Variants in RIN3 observed in about 807,000 individuals in gnomAD.
RIN3 encodes Ras and Rab interactor 3.
Under a neutral mutation model 76.3 loss-of-function variants are expected in RIN3, and 54 were observed. The observed-to-expected ratio is 0.71, with a 90% CI of 0.57 to 0.89. The LOEUF (loss-of-function observed/expected upper bound fraction) is 0.89, where lower values mean the gene tolerates loss of function less well. RIN3 is among the 40% of genes least tolerant of loss of function. The probability of loss-of-function intolerance (pLI) is 0.00; values close to 1 mark genes in which losing one functional copy is unlikely to be tolerated. For missense variants in RIN3, 1,256 were observed against 1,322.1 expected, an observed-to-expected ratio of 0.95 and a Z score of 0.78; for synonymous variants, 576 against 564.0, an observed-to-expected ratio of 1.02 and a Z score of -0.30.
At chr14:92,601,166 T>C (rs1885330978) in intron 3 of RIN3, among the ~76,000 whole-genome samples, 1 of 152,250 alleles carries the variant, frequency 6.6e-6, no homozygotes, top group Non-Finnish European at 1.5e-5. Context: ...TTGGATATAT[T>C]GGGTTAAATA....
At chr14:92,603,463 G>A (rs1467795127) in intron 3 of RIN3, among the ~76,000 whole-genome samples, 4 of 152,114 alleles carry the variant, frequency 2.6e-5, no homozygotes, top group Non-Finnish European at 4.4e-5. Flanking sequence ...TTTGTGCAAC[G>A]ACCCAGAGGG....
chr14:92,615,977 T>C (rs990945629), intron 4 of RIN3: 6 of 154,960 alleles, frequency 3.9e-5, no homozygotes, highest in African/African-American at 1.2e-4. Flanking sequence ...GTGCCATAAG[T>C]CAATGACTTA....
At chr14:92,605,618 C>T (rs1885501486) in intron 3 of RIN3, among the ~76,000 whole-genome samples, 1 of 152,228 alleles carries the variant, frequency 6.6e-6, no homozygotes, top group Non-Finnish European at 1.5e-5. Flanking sequence ...TGTCAATAGA[C>T]ATTCTTTCCC....
intron 1 of RIN3, among the ~76,000 whole-genome samples, chr14:92,550,575 C>G (rs1595408142): frequency 1.3e-5 from 2 of 152,222 alleles, no homozygotes; most frequent in Non-Finnish European, 2.9e-5. Context: ...GCCATCATGC[C>G]TGGCTAATTT....
At chr14:92,640,361 CCTGA>C (rs1488620647) in intron 4 of RIN3, among the ~76,000 whole-genome samples, 1 of 37,770 alleles carries the variant, frequency 2.6e-5, no homozygotes, top group Non-Finnish European at 5.1e-5. Context: ...TCGGGGGCTG[CCTGA>C]CTGTGCGTTT....
chr14:92,553,546 C>T (rs140063300), intron 1 of RIN3, among the ~76,000 whole-genome samples: 8 of 152,200 alleles, frequency 5.3e-5, no homozygotes, highest in East Asian at 1.9e-4. Flanking sequence ...CATCCTACCC[C>T]GCCCCCACCA....
Position 92,514,051 on chromosome 14 carries a change from T to G in RIN3, c.44+75T>G, listed in dbSNP as rs1896369292. On this transcript the variant is annotated intron_variant, in intron 1 of 9. Coordinates refer to ENST00000216487, the MANE Select transcript of RIN3 (RefSeq NM_024832.5). This position sits in a 1 kb window ranked among gnomAD's most constrained non-coding sequence, Gnocchi z 7.2. Reference sequence around the variant, plus strand: ...GTCCTGGCCGCCCCACTCCACTTCTTGTCCCAGAGAGTCCTTCGGGCGCGT... The same window carrying G: ...GTCCTGGCCGCCCCACTCCACTTCTGGTCCCAGAGAGTCCTTCGGGCGCGT... The G allele has an allele frequency of 9.7e-7, 1 of 1,036,136 alleles. No homozygotes were observed. Among genetic ancestry groups the G allele is most frequent in the South Asian group, 4.8e-5 (1 of 20,776 alleles). 64.2% of individuals were successfully genotyped at this position (1,036,136 alleles called of 1,614,324 possible).
chr14:92,577,111 A>C (rs1000702404), intron 2 of RIN3, among the ~76,000 whole-genome samples: 1 of 152,080 alleles, frequency 6.6e-6, no homozygotes, highest in Non-Finnish European at 1.5e-5. Flanking sequence ...CCTTATAGAA[A>C]CATTGACTTC....
chr14:92,593,948 T>C (rs956194009), intron 3 of RIN3, among the ~76,000 whole-genome samples: 2 of 152,178 alleles, frequency 1.3e-5, no homozygotes, highest in African/African-American at 4.8e-5. Context: ...CATAGGCAGA[T>C]ATAGCGGGTG....
At chr14:92,547,582 G>T (rs866324633) in intron 1 of RIN3, among the ~76,000 whole-genome samples, 1 of 151,670 alleles carries the variant, frequency 6.6e-6, no homozygotes, top group Non-Finnish European at 1.5e-5. Context: ...TTTTTGTAGA[G>T]ATAGTGTCTC....
At chr14:92,538,438 C>G (rs1897059240) in intron 1 of RIN3, among the ~76,000 whole-genome samples, 1 of 152,202 alleles carries the variant, frequency 6.6e-6, no homozygotes, top group Non-Finnish European at 1.5e-5. Flanking sequence ...AACCCTTATT[C>G]TATGCCGGGC....
intron 5 of RIN3, among the ~76,000 whole-genome samples, chr14:92,651,324 G>A (rs1468341526): frequency 6.6e-6 from 1 of 152,162 alleles, no homozygotes; most frequent in African/African-American, 2.4e-5. Context: ...GAGAACTGAA[G>A]CTGAGCTTAT....
chr14:92,523,182 C>T (rs184309709), intron 1 of RIN3, among the ~76,000 whole-genome samples: 32 of 152,282 alleles, frequency 2.1e-4, no homozygotes, highest in Middle Eastern at 3.4e-3. Flanking sequence ...GCGATCTTGG[C>T]TCACTGCAAC....
intron 1 of RIN3, among the ~76,000 whole-genome samples, chr14:92,522,929 A>T (rs1322630363): frequency 2.0e-5 from 3 of 152,156 alleles, no homozygotes; most frequent in South Asian, 4.1e-4. Flanking sequence ...TGAAATACAG[A>T]TGTGATGGCT....
At chr14:92,592,847 TTG>T (rs1885031805) in intron 3 of RIN3, among the ~76,000 whole-genome samples, 1 of 151,900 alleles carries the variant, frequency 6.6e-6, no homozygotes, top group African/African-American at 2.4e-5. Flanking sequence ...AGCTAATTTT[TTG>T]TGTTTTTAGA....
intron 5 of RIN3, 105 bp downstream of exon 5, chr14:92,641,434 C>A: frequency 1.3e-6 from 1 of 794,796 alleles, no homozygotes; most frequent in Non-Finnish European, 2.1e-6. Context: ...TGAGTCCCAG[C>A]TCCCATGGGA....
intron 5 of RIN3, among the ~76,000 whole-genome samples, chr14:92,649,548 C>A (rs1887330347): frequency 6.6e-6 from 1 of 152,056 alleles, no homozygotes; most frequent in Admixed American, 6.5e-5. Flanking sequence ...TAGACATGGG[C>A]ACAGTGCTTC....
chr14:92,658,260 C>T (rs939617584), intron 6 of RIN3, among the ~76,000 whole-genome samples: 10 of 152,318 alleles, frequency 6.6e-5, no homozygotes, highest in East Asian at 1.9e-4. Context: ...TCAGATAGGA[C>T]GACATTCGAA....
intron 1 of RIN3, among the ~76,000 whole-genome samples, chr14:92,517,284 C>T (rs1896467738): frequency 6.6e-6 from 1 of 152,118 alleles, no homozygotes; most frequent in African/African-American, 2.4e-5. Flanking sequence ...GTACATGACA[C>T]ACATTGCTTT....
Sources: gnomAD v4.1 joint callset for allele counts (sites outside exome capture counted in the v4.1 genomes callset) on GRCh38, gnomAD v4.1.1 for gene constraint, Gnocchi (gnomAD v3.1) non-coding constraint, MANE v1.5 for transcripts, NCBI Gene and HGNC (gene_info 2026-07-23, HGNC 2026-07-21) for gene names.